COL23A1: variants seen among roughly 807,000 people sequenced by gnomAD.
COL23A1 encodes the protein collagen alpha-1(XXIII) chain.
In COL23A1, 97 loss-of-function variants were observed where a neutral mutation model predicts 99.3. The ratio of observed to expected loss-of-function variants is 0.98; its 90% confidence interval spans 0.83 to 1.16. The LOEUF (loss-of-function observed/expected upper bound fraction) is 1.16, where lower values mean the gene tolerates loss of function less well. Among genes scored for constraint, COL23A1 ranks in the 50% most tolerant of loss-of-function variants. The pLI, the probability that COL23A1 is intolerant of heterozygous loss-of-function variation, is 0.00. For synonymous variants in COL23A1, 320 were observed against 308.2 expected, an observed-to-expected ratio of 1.04 and a Z score of -0.40; for missense variants, 762 against 757.4, an observed-to-expected ratio of 1.01 and a Z score of -0.07.
intron 2 of COL23A1, among the ~76,000 whole-genome samples, chr5:178,543,784 G>A (rs1206473414): frequency 1.3e-5 from 2 of 152,168 alleles, no homozygotes; most frequent in African/African-American, 4.8e-5. Flanking sequence ...TTAGTCTGTG[G>A]GGGCTGCTCT....
chr5:178,514,374 A>G (rs1581539938), intron 2 of COL23A1, among the ~76,000 whole-genome samples: 1 of 152,216 alleles, frequency 6.6e-6, no homozygotes, highest in Non-Finnish European at 1.5e-5. Flanking sequence ...TGCTGTGAAC[A>G]TGGGAACCTC....
chr5:178,421,951 A>G (rs758267503), intron 2 of COL23A1, among the ~76,000 whole-genome samples: 6 of 152,094 alleles, frequency 3.9e-5, no homozygotes, highest in Non-Finnish European at 7.4e-5. Flanking sequence ...TGGAGTGAAT[A>G]TGGGCGGGGC....
At chr5:178,464,420 A>G (rs1756301181) in intron 2 of COL23A1, among the ~76,000 whole-genome samples, 1 of 152,150 alleles carries the variant, frequency 6.6e-6, no homozygotes, top group Non-Finnish European at 1.5e-5. Context: ...CTATTCCATC[A>G]TATGCATATA....
intron 2 of COL23A1, among the ~76,000 whole-genome samples, chr5:178,359,059 CAG>C (rs1378817701): frequency 2.0e-5 from 3 of 152,162 alleles, no homozygotes; most frequent in Non-Finnish European, 4.4e-5. Context: ...ACAGAAAGCA[CAG>C]AGTCGCAGGA....
intron 2 of COL23A1, among the ~76,000 whole-genome samples, chr5:178,363,432 C>G (rs1356782394): frequency 6.6e-6 from 1 of 152,334 alleles, no homozygotes; most frequent in East Asian, 1.9e-4. Flanking sequence ...GATTCACTCA[C>G]TCCTTCATTC....
chr5:178,358,961 A>G (rs973144314), intron 2 of COL23A1, among the ~76,000 whole-genome samples: 1 of 152,162 alleles, frequency 6.6e-6, no homozygotes, highest in African/African-American at 2.4e-5. Flanking sequence ...ATTTGGTGTA[A>G]ATTTTTGTTC....
intron 2 of COL23A1, among the ~76,000 whole-genome samples, chr5:178,377,238 G>A (rs1190657303): frequency 6.6e-6 from 1 of 152,206 alleles, no homozygotes; most frequent in Non-Finnish European, 1.5e-5. Flanking sequence ...TAACGGGCTG[G>A]TGTTTCACAT....
At chr5:178,324,060 C>T (rs1301561876) in intron 2 of COL23A1, among the ~76,000 whole-genome samples, 1 of 152,014 alleles carries the variant, frequency 6.6e-6, no homozygotes, top group Non-Finnish European at 1.5e-5. Context: ...AGTCAGAGGT[C>T]CCTGGGCGGC....
chr5:178,425,248 C>A (rs1213185784), intron 2 of COL23A1, among the ~76,000 whole-genome samples: 1 of 151,964 alleles, frequency 6.6e-6, no homozygotes, highest in African/African-American at 2.4e-5. Flanking sequence ...CATGGGGAAA[C>A]CCGGTCTCTA....
At chr5:178,418,421 G>C (rs993327125) in intron 2 of COL23A1, among the ~76,000 whole-genome samples, 2 of 152,202 alleles carry the variant, frequency 1.3e-5, no homozygotes, top group African/African-American at 4.8e-5. Context: ...TTCCTGGAGA[G>C]ATCCTGATTC....
intron 2 of COL23A1, among the ~76,000 whole-genome samples, chr5:178,348,091 C>T (rs7730805): frequency 0.079 from 11,957 of 151,800 alleles, 893 homozygotes; most frequent in African/African-American, 0.19. Context: ...CTCCATGTGC[C>T]TCCTGATGGC....
intron 2 of COL23A1, among the ~76,000 whole-genome samples, chr5:178,371,809 C>T (rs552641867): frequency 1.3e-5 from 2 of 152,292 alleles, no homozygotes; most frequent in South Asian, 2.1e-4. Context: ...GGGGGCTCCA[C>T]GGAGTGAATC....
At chr5:178,564,223 G>A (rs1762740772) in intron 1 of COL23A1, among the ~76,000 whole-genome samples, 1 of 152,152 alleles carries the variant, frequency 6.6e-6, no homozygotes, top group Admixed American at 6.5e-5. Flanking sequence ...GATTGTGCTG[G>A]TCATTTATCC....
At chr5:178,288,177 C>G (rs1047571641) in intron 5 of COL23A1, 147 bp downstream of exon 5, 1 of 812,104 alleles carries the variant, frequency 1.2e-6, no homozygotes, top group Non-Finnish European at 2.2e-6. Flanking sequence ...CTCCCCAGAG[C>G]TCACGCTAAT....
At position 178,575,412 on chromosome 5, in the gene COL23A1, C is replaced by T. The variant is rs61140574; in HGVS notation, c.294+14492G>A. ...GCAGCATTTCCCAAGGAAAGCCACACATTCAGCTGCTTATTAACAGCAACA... is the reference window on the plus strand; with the variant it reads ...GCAGCATTTCCCAAGGAAAGCCACATATTCAGCTGCTTATTAACAGCAACA... On this transcript the variant is annotated intron_variant, in intron 1 of 28. Transcript: ENST00000390654. Among the ~76,000 whole-genome samples, 1,521 of 152,292 alleles carry T rather than the reference C, an allele frequency of 1.0e-2. 25 individuals carry two copies. Among genetic ancestry groups the T allele is most frequent in the African/African-American group, 0.034 (1,410 of 41,552 alleles).
intron 2 of COL23A1, among the ~76,000 whole-genome samples, chr5:178,458,435 G>A (rs926717970): frequency 6.6e-6 from 1 of 152,078 alleles, no homozygotes; most frequent in African/African-American, 2.4e-5. Flanking sequence ...TCAGGAGTTC[G>A]AGACTGGCCT....
At chr5:178,486,723 A>G (rs1291266201) in intron 2 of COL23A1, among the ~76,000 whole-genome samples, 1 of 152,210 alleles carries the variant, frequency 6.6e-6, no homozygotes, top group East Asian at 1.9e-4. Flanking sequence ...TACTTCAGAC[A>G]TGCCAAGGCC....
rs376924414 is a variant in COL23A1, at chr5:178,288,323, C to G, written c.441+1G>C. On this transcript the variant is annotated splice_donor_variant, in intron 5 of 28. Coordinates refer to ENST00000390654, the MANE Select transcript of COL23A1 (RefSeq NM_173465.4). LOFTEE classifies it high-confidence loss of function. ...GAGCAAAAAAATAAATGACAAATTA[C>G]CGGGTAGCCATCTCGTCCTGATTGC... The G allele has an allele frequency of 4.3e-6, 7 of 1,609,812 alleles. No individual in the cohort carries two copies. Among genetic ancestry groups the G allele is most frequent in the Non-Finnish European group, 4.3e-6 (5 of 1,175,876 alleles).
intron 2 of COL23A1, among the ~76,000 whole-genome samples, chr5:178,536,440 G>T (rs1004421572): frequency 1.3e-5 from 2 of 152,242 alleles, no homozygotes; most frequent in African/African-American, 4.8e-5. Flanking sequence ...CTGATGTCAG[G>T]GTCCCAGGTG....
Sources: gnomAD v4.1 joint callset for allele counts (sites outside exome capture counted in the v4.1 genomes callset) on GRCh38, gnomAD v4.1.1 for gene constraint, MANE v1.5 for transcripts, NCBI Gene and HGNC (gene_info 2026-07-23, HGNC 2026-07-21) for gene names.